Variants in THRAP3 observed in about 807,000 individuals in gnomAD.
THRAP3 encodes thyroid hormone receptor associated protein 3.
A neutral mutation model predicts 101.0 loss-of-function variants in THRAP3; 16 were observed. The ratio of observed to expected loss-of-function variants is 0.16; its 90% CI spans 0.11 to 0.24. The LOEUF (loss-of-function observed/expected upper bound fraction) is 0.24. Ranked by LOEUF, THRAP3 falls within the 10% of genes least tolerant of loss-of-function variation. The probability of loss-of-function intolerance (pLI) is 1.00; values close to 1 mark genes in which losing one functional copy is unlikely to be tolerated. For synonymous variants in THRAP3, 407 were observed against 422.6 expected, an observed-to-expected ratio of 0.96 and a Z score of 0.45; for missense variants, 989 against 1,202.7, an observed-to-expected ratio of 0.82 and a Z score of 2.63.
At chr1:36,244,884 A>G (rs1645212361) in intron 1 of THRAP3, among the ~76,000 whole-genome samples, 1 of 151,580 alleles carries the variant, frequency 6.6e-6, no homozygotes, top group Non-Finnish European at 1.5e-5. Context: ...CGCCCAGCTA[A>G]TTTTGTTTTG....
intron 8 of THRAP3, among the ~76,000 whole-genome samples, chr1:36,295,630 T>A (rs1270076338): frequency 1.3e-5 from 2 of 150,810 alleles, no homozygotes; most frequent in African/African-American, 4.9e-5. Context: ...CCTCCCTTTC[T>A]CCCTGTTTCT....
At chr1:36,225,054 G>T (rs2124312728) in intron 1 of THRAP3, 1 of 152,362 alleles carries the variant, frequency 6.6e-6, no homozygotes, top group South Asian at 2.1e-4. Context: ...CTGGAGCTGA[G>T]GCCGGCTTGC....
At chr1:36,285,858 TAAG>T (rs1478392727) in intron 3 of THRAP3, among the ~76,000 whole-genome samples, 7 of 152,226 alleles carry the variant, frequency 4.6e-5, no homozygotes, top group Admixed American at 4.6e-4. Flanking sequence ...AGTGGTATCT[TAAG>T]AAGTTCATCC....
the THRAP3 span, among the ~76,000 whole-genome samples, chr1:36,211,127 C>T: frequency 6.6e-6 from 1 of 151,208 alleles, no homozygotes; most frequent in East Asian, 2.0e-4. Context: ...GCAGGAGGAT[C>T]ACTTGAGCCC....
chr1:36,267,600 C>G (rs1357618129), intron 2 of THRAP3, among the ~76,000 whole-genome samples: 2 of 152,108 alleles, frequency 1.3e-5, no homozygotes, highest in Non-Finnish European at 2.9e-5. Context: ...GGTATTGATA[C>G]TTTGTGGGGA....
intron 11 of THRAP3, among the ~76,000 whole-genome samples, chr1:36,303,328 T>C (rs559780825): frequency 6.6e-6 from 1 of 152,134 alleles, no homozygotes; most frequent in Non-Finnish European, 1.5e-5. Context: ...TTTGGTGTGA[T>C]TGGCTTTCTC....
At chr1:36,243,373 C>T (rs539577871) in intron 1 of THRAP3, among the ~76,000 whole-genome samples, 81 of 151,644 alleles carry the variant, frequency 5.3e-4, no homozygotes, top group Middle Eastern at 3.4e-3. Flanking sequence ...TCCCTGGGTA[C>T]TTGAGATTAG....
chr1:36,244,426 A>G (rs1001749294), intron 1 of THRAP3, among the ~76,000 whole-genome samples: 2 of 152,240 alleles, frequency 1.3e-5, no homozygotes, highest in Admixed American at 6.5e-5. Context: ...ATTCTCCAGC[A>G]TGAGCAAACT....
chr1:36,304,214 AG>A lies in THRAP3; in HGVS notation c.*201del, dbSNP rs1427598469. The A allele has an allele frequency of 4.1e-6, 3 of 723,548 alleles. No homozygotes were observed. Among genetic ancestry groups the A allele is most frequent in the Admixed American group, 7.6e-5 (2 of 26,322 alleles). 44.8% of individuals were successfully genotyped at this position (723,548 alleles called of 1,614,324 possible). A position where few individuals can be genotyped will look rare whatever the true frequency, so the allele number is the denominator to read the frequency against. On this transcript the variant is annotated 3_prime_UTR_variant, in exon 12 of 12. Coordinates refer to ENST00000354618, the MANE Select transcript of THRAP3 (RefSeq NM_005119.4). ...ACAGAGGAGGCTGGCCATGGGGCCCAGGGGTCAGGCCCAGCTTTTGAGCAGA... is the reference window on the plus strand; with the variant it reads ...ACAGAGGAGGCTGGCCATGGGGCCCAGGGTCAGGCCCAGCTTTTGAGCAGA...
the THRAP3 span, among the ~76,000 whole-genome samples, chr1:36,218,525 G>C: frequency 2.0e-5 from 3 of 149,868 alleles, no homozygotes; most frequent in Admixed American, 1.3e-4. Context: ...GACCATCCTG[G>C]CTAACACAGT....
rs1443424346 is a variant in THRAP3 at position 36,296,730 on chromosome 1, G to GA, written c.2269dup (p.Thr757AsnfsTer6). 6.2e-7 allele frequency: 1 copy of GA among 1,601,168 alleles called. No homozygotes were observed. The highest frequency in any genetic ancestry group is 2.2e-5 in the East Asian group (1 of 44,746). ...CAGTCACTCAAGGGAAAGGTCAGCTGAAAAAACAGAGAAAACTCATAAAGG... is the reference window on the plus strand; with the variant it reads ...CAGTCACTCAAGGGAAAGGTCAGCTGAAAAAAACAGAGAAAACTCATAAAGG... On this transcript the variant is annotated frameshift_variant, in exon 9 of 12. Transcript: ENST00000354618. LOFTEE classifies it high-confidence loss of function.
At chr1:36,219,452 T>G (rs1046804801), upstream of THRAP3, among the ~76,000 whole-genome samples, 1 of 152,174 alleles carries the variant, frequency 6.6e-6, no homozygotes, top group Non-Finnish European at 1.5e-5. Flanking sequence ...TTAGATGGGA[T>G]CTCACTCTGT....
intron 2 of THRAP3, among the ~76,000 whole-genome samples, chr1:36,263,687 G>A (rs1398152914): frequency 7.9e-5 from 12 of 152,150 alleles, no homozygotes; most frequent in Admixed American, 5.2e-4. Flanking sequence ...TTTTTAAGCC[G>A]CCAGCTGTGC....
rs536257757 is a variant in THRAP3 at position 36,288,184 on chromosome 1, G to A, written c.1041-876G>A. The A allele has an allele frequency of 1.6e-5, 15 of 938,674 alleles. No individual in the cohort carries two copies. In the African/African-American group the frequency reaches 2.7e-4, roughly 17 times the overall value. 58.1% of individuals were successfully genotyped at this position (938,674 alleles called of 1,614,324 possible). ...ATTTATTTATTTCAATAGGTTTTTG[G>A]GCGAATAGGTGGTGTTTGGTTACAT... On this transcript the variant is annotated intron_variant, in intron 4 of 11. Coordinates refer to ENST00000354618, the MANE Select transcript of THRAP3 (RefSeq NM_005119.4).
chr1:36,290,998 A>G (rs1197313922), intron 5 of THRAP3, among the ~76,000 whole-genome samples: 1 of 152,024 alleles, frequency 6.6e-6, no homozygotes. Context: ...ATTGATTGAA[A>G]TGGAGTCTTG....
At chr1:36,303,430 A>G (rs530982283) in intron 11 of THRAP3, among the ~76,000 whole-genome samples, 85 of 152,274 alleles carry the variant, frequency 5.6e-4, no homozygotes, top group African/African-American at 2.0e-3. Context: ...GGAGGTGATA[A>G]TGATAGGGTA....
At chr1:36,219,942 G>A (rs1307462765), upstream of THRAP3, among the ~76,000 whole-genome samples, 2 of 152,222 alleles carry the variant, frequency 1.3e-5, no homozygotes, top group African/African-American at 4.8e-5. Context: ...TAAGAATTAC[G>A]CTAAATCTAA....
At chr1:36,240,595 G>GACGT (rs1210193564) in intron 1 of THRAP3, among the ~76,000 whole-genome samples, 3 of 152,168 alleles carry the variant, frequency 2.0e-5, no homozygotes, top group African/African-American at 7.2e-5. Context: ...CACCCTCACA[G>GACGT]ACGTACCCAG....
At chr1:36,257,680 G>C (rs1233059332) in intron 1 of THRAP3, among the ~76,000 whole-genome samples, 1 of 152,170 alleles carries the variant, frequency 6.6e-6, no homozygotes, top group Non-Finnish European at 1.5e-5. Context: ...CGCAACAATG[G>C]GGAATTGAAG....
Sources: gnomAD v4.1 joint callset for allele counts (sites outside exome capture counted in the v4.1 genomes callset) on GRCh38, gnomAD v4.1.1 for gene constraint, MANE v1.5 for transcripts, NCBI Gene and HGNC (gene_info 2026-07-23, HGNC 2026-07-21) for gene names.